Variants in KDM6B observed in about 807,000 individuals in gnomAD.
KDM6B encodes the protein lysine-specific demethylase 6B.
Under a neutral mutation model 150.4 loss-of-function variants are expected in KDM6B, and 22 were observed. The ratio of observed to expected loss-of-function variants is 0.15; its 90% confidence interval spans 0.10 to 0.21. KDM6B has a LOEUF of 0.21. Among genes scored for constraint, KDM6B ranks in the 10% least tolerant of loss-of-function variants. The pLI, the probability that KDM6B is intolerant of heterozygous loss-of-function variation, is 1.00. For synonymous variants in KDM6B, 1,148 were observed against 921.1 expected, an observed-to-expected ratio of 1.25 and a Z score of -4.46; for missense variants, 1,984 against 2,234.3, an observed-to-expected ratio of 0.89 and a Z score of 2.26.
At chr17:7,835,240 A>AG (rs773129091) in intron 1 of KDM6B, among the ~76,000 whole-genome samples, 2 of 151,490 alleles carry the variant, frequency 1.3e-5, no homozygotes, top group Non-Finnish European at 2.9e-5. Flanking sequence ...AATAGTGGGG[A>AG]GGGGGGCACG....
intron 14 of KDM6B, among the ~76,000 whole-genome samples, chr17:7,850,615 C>A (rs2078672664): frequency 6.6e-6 from 1 of 152,226 alleles, no homozygotes; most frequent in Non-Finnish European, 1.5e-5. Flanking sequence ...CAGGCTTTCA[C>A]TTGACTGAAT....
At position 7,843,934 on chromosome 17, in the gene KDM6B, G is replaced by A. The variant is rs1023832587; in HGVS notation, c.-268-967G>A. On this transcript the variant is annotated intron_variant, in intron 2 of 23. Coordinates refer to ENST00000448097, the MANE Select transcript of KDM6B (RefSeq NM_001348716.2). The surrounding 1 kb of genome is among the most constrained non-coding windows in gnomAD (Gnocchi z 4.5). ...GGGTCCAGTCGGCACCAAAGCGAAA[G>A]GGTGGGGGGGGCGTGAAGGAGGAAG... is the stretch of plus-strand genomic sequence containing the variant. Among the ~76,000 whole-genome samples the A allele has an allele frequency of 3.3e-4, 49 of 150,290 alleles. 1 individual carries two copies. Among genetic ancestry groups the A allele is most frequent in the South Asian group, 1.1e-3 (5 of 4,556 alleles).
At chr17:7,845,156 T>C (rs2078506374) in intron 3 of KDM6B, 136 bp downstream of exon 3, 1 of 348,164 alleles carries the variant, frequency 2.9e-6, no homozygotes, top group Admixed American at 4.0e-5. Context: ...CTCCTGGGCC[T>C]CTAGGGAGTG....
Position 7,847,597 on chromosome 17 carries a change from C to T in KDM6B, c.1309C>T (p.Arg437Cys), listed in dbSNP as rs529894126. Residue 437 changes from arginine to cysteine, a missense_variant, in exon 12 of 24, where the codon CGC becomes TGC. By Grantham distance (180) the Arg-to-Cys change is radical (BLOSUM62 -3). Transcript: ENST00000448097. ...TPALEVSHHG[R>C]LGPSAHSSRK... ...CGCGCTGGAGGTCTCTCACCATGGC[C>T]GCCTGGGGCCCTCGGCACACAGCAG... 13 of 1,612,532 alleles carry T rather than the reference C, an allele frequency of 8.1e-6. No homozygotes were observed. The highest frequency in any genetic ancestry group is 7.7e-5 in the South Asian group (7 of 91,070).
intron 2 of KDM6B, among the ~76,000 whole-genome samples, chr17:7,842,146 G>GGGCTCCTCGGCTCAAGCCCAGAGA (rs2078428885): frequency 6.6e-6 from 1 of 152,222 alleles, no homozygotes; most frequent in Admixed American, 6.5e-5. Context: ...CTGCGCGGAG[G>GGGCTCCTCGGCTCAAGCCCAGAGA]GGCTCCTCGG....
intron 10 of KDM6B, 29 bp from the exon 11 acceptor site, chr17:7,847,076 C>T (rs200788464): frequency 1.5e-4 from 239 of 1,610,124 alleles, no homozygotes; most frequent in Non-Finnish European, 2.6e-5. Context: ...CTCTATTCCT[C>T]ATCCTGCATC....
intron 1 of KDM6B, among the ~76,000 whole-genome samples, chr17:7,839,273 G>A (rs1416441677): frequency 6.6e-6 from 1 of 152,178 alleles, no homozygotes; most frequent in African/African-American, 2.4e-5. Context: ...AGGAGGTGAT[G>A]GGGAAACAGG....
In KDM6B at chr17:7,847,943, G is replaced by C; in HGVS notation, c.1655G>C (p.Ser552Thr). ...CCCACTCCCCCAACCCCAACCACCA[G>C]CAGTAGCAACAGCAACAGTGGCAGC... is the stretch of plus-strand genomic sequence containing the variant. The part of the protein sequence containing the change: ...TPPTPPTPTT[S>T]SSNSNSGSHS... Residue 552 changes from serine (S) to threonine (T), a missense_variant, in exon 12 of 24, where the codon AGC becomes ACC. Physicochemically the swap from Ser to Thr is moderately conservative, Grantham distance 58. This residue lies in a region of KDM6B where 1,379 missense variants were observed against 1,275.6 expected (regional missense o/e 1.08). Transcript: ENST00000448097. The C allele has an allele frequency of 6.3e-7, 1 of 1,588,200 alleles. No homozygotes were observed. The highest frequency in any genetic ancestry group is 8.6e-7 in the Non-Finnish European group (1 of 1,167,052).
intron 20 of KDM6B, 27 bp from the exon 21 acceptor site, chr17:7,852,467 TC>T: frequency 1.2e-5 from 19 of 1,603,822 alleles, no homozygotes; most frequent in Non-Finnish European, 1.6e-5. Context: ...TGTTTGAGAG[TC>T]CTGTTGTGAT....
At chr17:7,852,127 C>T (rs914275198) in intron 19 of KDM6B, 22 bp from the exon 20 acceptor site, 1 of 1,614,034 alleles carries the variant, frequency 6.2e-7, no homozygotes, top group Non-Finnish European at 8.5e-7. Flanking sequence ...CAGTTCCCAC[C>T]TGACCTGTGG....
intron 1 of KDM6B, among the ~76,000 whole-genome samples, chr17:7,834,985 C>A (rs1187494921): frequency 6.6e-6 from 1 of 152,152 alleles, no homozygotes; most frequent in Non-Finnish European, 1.5e-5. Flanking sequence ...CACGGCTTCT[C>A]GGTGCGGAGC....
chr17:7,851,046 C>G lies in KDM6B; in HGVS notation c.3699C>G (p.Thr1233=), dbSNP rs749443254. ...ACTTGGGCCTCTTCTCCACCAAGAC[C>G]CTGGTGGAAGCGAGTGGCGAACACA... ...RLNLGLFSTK[T]LVEASGEHTV... is the part of the protein sequence containing the mutation. Residue 1233 remains threonine (T), a synonymous_variant, in exon 15 of 24, where the codon ACC becomes ACG. Transcript: ENST00000448097. The G allele has an allele frequency of 1.1e-5, 18 of 1,611,574 alleles. No individual in the cohort carries two copies. In the Admixed American group the frequency reaches 3.0e-4, roughly 27 times the overall value.
rs2078625932 is a variant in KDM6B at position 7,848,851 on chromosome 17, C to T, written c.2563C>T (p.Pro855Ser). ...CGCCCTGCCGCCCACCTCAGCGGCC[C>T]CTAGCGCCCAGGGCTCCCCACAGCC... Reference protein sequence around the residue: ...ATALPPTSAAPSAQGSPQPSA... With the variant: ...ATALPPTSAASSAQGSPQPSA... The change falls in exon 12 of 24, where the codon CCT becomes TCT. Residue 855 changes from proline (P) to serine (S), a missense_variant. Coordinates refer to ENST00000448097, the MANE Select transcript of KDM6B (RefSeq NM_001348716.2). The T allele has an allele frequency of 3.1e-6, 5 of 1,611,908 alleles. No homozygotes were observed. Among genetic ancestry groups the T allele is most frequent in the South Asian group, 1.1e-5 (1 of 91,030 alleles).
Position 7,852,079 on chromosome 17 carries a change from T to A in KDM6B, c.4280+14T>A. 1 of 1,613,782 alleles carries A rather than the reference T, an allele frequency of 6.2e-7. No homozygotes were observed. The highest frequency in any genetic ancestry group is 1.1e-5 in the South Asian group (1 of 91,084). On this transcript the variant is annotated intron_variant, in intron 19 of 23. Coordinates refer to ENST00000448097, the MANE Select transcript of KDM6B (RefSeq NM_001348716.2). ...TTTCTGTGATCGGTGCGTGCCGTCC[T>A]GCGCAAGTCAGACTGCCGCGTCCCC...
Position 7,848,119 on chromosome 17 carries a change from C to T in KDM6B, c.1831C>T (p.Pro611Ser), listed in dbSNP as rs772432064. ...GACTCTTGCCCTGCCTCCAGCCCCT[C>T]CTTCCTCCTGCCACCAAAATACCTC... ...PLTLALPPAPPSSCHQNTSGS... is the reference protein window; with the variant it reads ...PLTLALPPAPSSSCHQNTSGS... The change falls in exon 12 of 24, where the codon CCT becomes TCT. Residue 611 changes from proline to serine, a missense_variant. Pro to Ser is a moderately conservative substitution (Grantham distance 74, BLOSUM62 -1). Coordinates refer to ENST00000448097, the MANE Select transcript of KDM6B (RefSeq NM_001348716.2). The T allele has an allele frequency of 1.5e-5, 25 of 1,612,962 alleles. No individual in the cohort carries two copies. In the South Asian group the frequency reaches 2.6e-4, roughly 17 times the overall value.
In KDM6B at chr17:7,849,883, C is replaced by T. The variant is rs765655631; in HGVS notation, c.3503C>T (p.Pro1168Leu). Residue 1168 changes from proline (P) to leucine (L), a missense_variant, in exon 13 of 24, where the codon CCG becomes CTG. This residue lies in a region of KDM6B where 1,379 missense variants were observed against 1,275.6 expected (regional missense o/e 1.08). Transcript: ENST00000448097. Reference protein sequence around the residue: ...SYLSPAQSVKPKINTEEKLPR... With the variant: ...SYLSPAQSVKLKINTEEKLPR... ...CTTTCCCCTGCCCAGTCTGTGAAAC[C>T]GAAGATCAACACTGAGGAGAAGCTG... 2.4e-5 allele frequency: 39 copies of T among 1,613,316 alleles called. No homozygotes were observed. In the Admixed American group the frequency reaches 3.8e-4, roughly 16 times the overall value.
chr17:7,848,923 G>A lies in KDM6B; in HGVS notation c.2635G>A (p.Ala879Thr). 5.0e-6 allele frequency: 8 copies of A among 1,596,318 alleles called. No homozygotes were observed. The highest frequency in any genetic ancestry group is 1.7e-4 in the Middle Eastern group (1 of 5,884). ...GTTCTCTACCTCAGGCGGGCCCTGG[G>A]CCCGGGAGCGCAGGGCGGGCGAAGA... ...SQFSTSGGPW[A>T]RERRAGEEPV... The change falls in exon 12 of 24, where the codon GCC (alanine) becomes ACC (threonine). Residue 879 changes from alanine to threonine, a missense_variant. Ala to Thr is a moderately conservative substitution (Grantham distance 58, BLOSUM62 0). This residue lies in a region of KDM6B where 1,379 missense variants were observed against 1,275.6 expected (regional missense o/e 1.08). Transcript: ENST00000448097.
At chr17:7,839,352 T>C (rs1028697308) in intron 1 of KDM6B, among the ~76,000 whole-genome samples, 1 of 151,560 alleles carries the variant, frequency 6.6e-6, no homozygotes, top group Non-Finnish European at 1.5e-5. Context: ...AGGCCCAGAG[T>C]CAGAGTTCTT....
Position 7,854,788 on chromosome 17 carries a change from GA to G in KDM6B, c.*1275del, listed in dbSNP as rs957388248. On this transcript the variant is annotated 3_prime_UTR_variant, in exon 24 of 24. Transcript: ENST00000448097. ...AATATTAATATTAAAAATAAACGGA[GA>G]AAAAAAATCCTGTTTCGCTAACGGC... 7.1e-6 allele frequency: 3 copies of G among 421,006 alleles called. No homozygotes were observed. Among genetic ancestry groups the G allele is most frequent in the East Asian group, 4.1e-5 (1 of 24,634 alleles). The allele number at this position is 421,006 out of a possible 1,614,324, so 26.1% of individuals were successfully genotyped here.
Sources: allele counts gnomAD v4.1 joint callset (sites outside exome capture counted in the v4.1 genomes callset), GRCh38; gene constraint gnomAD v4.1.1; regional missense constraint gnomAD v4.1.1; non-coding constraint Gnocchi (gnomAD v3.1); transcripts MANE v1.5; gene names NCBI Gene and HGNC (gene_info 2026-07-23, HGNC 2026-07-21).